Variants in PSMC3IP observed in about 807,000 individuals in gnomAD.
PSMC3IP encodes PSMC3 interacting protein.
Under a neutral mutation model 34.9 loss-of-function variants are expected in PSMC3IP, and 26 were observed. That is an observed-to-expected ratio of 0.74 (90% CI 0.55 to 1.03). The LOEUF is 1.03. PSMC3IP is among the 50% of genes least tolerant of loss of function. The pLI is 0.00. For synonymous variants in PSMC3IP, 87 were observed against 96.5 expected (o/e 0.90, Z 0.57); for missense variants, 250 against 263.1 (o/e 0.95, Z 0.34).
chr17:42,573,883 T>C, intron 4 of PSMC3IP: 1 of 1,531,858 alleles, frequency 6.5e-7, no homozygotes. Context: ...AGTGTACTGA[T>C]AATCGTGGCA....
intron 3 of PSMC3IP, among the ~76,000 whole-genome samples, chr17:42,576,355 C>T (rs117222387): frequency 0.021 from 3,131 of 152,264 alleles, 51 homozygotes; most frequent in Middle Eastern, 0.054. Context: ...AGGTGCATGA[C>T]CAGATCTATT....
At position 42,572,995 on chromosome 17, in the gene PSMC3IP, A is replaced by C. The variant is rs753340066; in HGVS notation, c.627T>G (p.Asp209Glu). 3.7e-6 allele frequency: 6 copies of C among 1,614,072 alleles called. No homozygotes were observed. The highest frequency in any genetic ancestry group is 5.1e-6 in the Non-Finnish European group (6 of 1,180,046). Residue 209 changes from aspartate to glutamate, a missense_variant, in exon 8 of 8, where the codon GAT (aspartate) becomes GAG (glutamate). Asp to Glu is a conservative substitution (Grantham distance 45). Transcript: ENST00000393795. ...FEEVGIETDE[D>E]YNVTLPDP ...AGGGGTCTGGGAGTGTGACGTTGTA[A>C]TCTTCATCCGTCTCTATCCCAACTT...
rs761158006 is a variant in PSMC3IP at position 42,573,183 on chromosome 17, C to T, written c.538-17G>A. The T allele has an allele frequency of 6.2e-7, 1 of 1,614,196 alleles. No homozygotes were observed. Among genetic ancestry groups the T allele is most frequent in the Non-Finnish European group, 8.5e-7 (1 of 1,180,044 alleles). On this transcript the variant is annotated splice_polypyrimidine_tract_variant and intron_variant, in intron 6 of 7. Coordinates refer to ENST00000393795, the MANE Select transcript of PSMC3IP (RefSeq NM_016556.4). ...CTCTGTAGCCTGACAAGAAATAAAA[C>T]CACCCGTTTTCAGATGGGCAGCACT...
In PSMC3IP at chr17:42,572,963, G is replaced by C; in HGVS notation, c.*5C>G. The C allele has an allele frequency of 6.2e-7, 1 of 1,614,038 alleles. No individual in the cohort carries two copies. The highest frequency in any genetic ancestry group is 8.5e-7 in the Non-Finnish European group (1 of 1,179,940). On this transcript the variant is annotated 3_prime_UTR_variant, in exon 8 of 8. Transcript: ENST00000393795. ...CAGTCCCCACCAGTCCTGACCGTGG[G>C]CCCCTCAGGGGTCTGGGAGTGTGAC...
At chr17:42,574,802 A>G (rs564496313) in intron 3 of PSMC3IP, among the ~76,000 whole-genome samples, 10 of 135,640 alleles carry the variant, frequency 7.4e-5, no homozygotes, top group Admixed American at 2.3e-4. Flanking sequence ...CACCCAGGCC[A>G]GAGTGCAGTG....
intron 5 of PSMC3IP, 44 bp downstream of exon 5, chr17:42,573,434 T>C: frequency 6.2e-7 from 1 of 1,614,254 alleles, no homozygotes; most frequent in South Asian, 1.1e-5. Context: ...AGCCCTGATG[T>C]TCACTCTGGA....
chr17:42,573,168 T>TGACA lies in PSMC3IP; in HGVS notation c.538-6_538-3dup, dbSNP rs933756557. On this transcript the variant is annotated splice_polypyrimidine_tract_variant and splice_region_variant and intron_variant, in intron 6 of 7. Coordinates refer to ENST00000393795, the MANE Select transcript of PSMC3IP (RefSeq NM_016556.4). ...TATTGCATCAGACAGCTCTGTAGCC[T>TGACA]GACAAGAAATAAAACCACCCGTTTT... 4.3e-6 allele frequency: 7 copies of TGACA among 1,614,212 alleles called. No homozygotes were observed. Among genetic ancestry groups the TGACA allele is most frequent in the African/African-American group, 1.3e-5 (1 of 75,056 alleles).
At chr17:42,574,422 T>A in intron 3 of PSMC3IP, 1 of 1,292,214 alleles carries the variant, frequency 7.7e-7, no homozygotes, top group Non-Finnish European at 1.0e-6. Context: ...AAAGCTGAAA[T>A]CTAATGCTTG....
rs1311742201 is a variant in PSMC3IP, at chr17:42,573,190, T to C, written c.538-24A>G. 3 of 1,614,102 alleles carry C rather than the reference T, an allele frequency of 1.9e-6. No homozygotes were observed. The East Asian group carries it at 6.7e-5, about 36-fold the overall frequency. On this transcript the variant is annotated intron_variant, in intron 6 of 7. Coordinates refer to ENST00000393795, the MANE Select transcript of PSMC3IP (RefSeq NM_016556.4). ...GCCTGACAAGAAATAAAACCACCCG[T>C]TTTCAGATGGGCAGCACTGGGCACT...
chr17:42,572,722 C>T lies in PSMC3IP; in HGVS notation c.*246G>A, dbSNP rs1328792601. 2 of 618,998 alleles carry T rather than the reference C, an allele frequency of 3.2e-6. No homozygotes were observed. The highest frequency in any genetic ancestry group is 3.0e-5 in the South Asian group (2 of 65,990). The allele number at this position is 618,998 out of a possible 1,614,324, so 38.3% of individuals were successfully genotyped here. ...CCAAATGCTTTCCTTTAGCATTGTTCCAAGTCTAAATGTTAACCTCAAGCT... is the reference window on the plus strand; with the variant it reads ...CCAAATGCTTTCCTTTAGCATTGTTTCAAGTCTAAATGTTAACCTCAAGCT... On this transcript the variant is annotated 3_prime_UTR_variant, in exon 8 of 8. Transcript: ENST00000393795.
At chr17:42,575,007 G>A (rs2093066342) in intron 3 of PSMC3IP, among the ~76,000 whole-genome samples, 1 of 152,228 alleles carries the variant, frequency 6.6e-6, no homozygotes, top group Admixed American at 6.5e-5. Context: ...ATCCGCCTCA[G>A]CCTCCCAAAG....
At position 42,577,700 on chromosome 17, in the gene PSMC3IP, A is replaced by G; in HGVS notation, c.-14T>C. 1.9e-6 allele frequency: 3 copies of G among 1,613,832 alleles called. No homozygotes were observed. The highest frequency in any genetic ancestry group is 1.7e-6 in the Non-Finnish European group (2 of 1,179,868). ...GCCTTTACTCATCGCCTTTCCCGCC[A>G]CCCAACTCAGAAAGCCGGACGTTGT... On this transcript the variant is annotated 5_prime_UTR_variant, in exon 1 of 8. Coordinates refer to ENST00000393795, the MANE Select transcript of PSMC3IP (RefSeq NM_016556.4).
At chr17:42,576,921 A>G in intron 3 of PSMC3IP, 1 of 465,446 alleles carries the variant, frequency 2.1e-6, no homozygotes, top group South Asian at 2.1e-5. Context: ...CAGGAGGAAC[A>G]TCATTTGGCA....
Position 42,577,642 on chromosome 17 carries a change from G to A in PSMC3IP, c.34+11C>T, listed in dbSNP as rs1211545288. Reference sequence around the variant, plus strand: ...CCTCCCGGGTCTTCCCCGCGCCCACGGCGCCGTTACCTCCCGCCGCAGCTT... The same window carrying A: ...CCTCCCGGGTCTTCCCCGCGCCCACAGCGCCGTTACCTCCCGCCGCAGCTT... On this transcript the variant is annotated intron_variant, in intron 1 of 7. Transcript: ENST00000393795. The A allele has an allele frequency of 5.6e-6, 9 of 1,614,134 alleles. No homozygotes were observed. The highest frequency in any genetic ancestry group is 7.6e-6 in the Non-Finnish European group (9 of 1,180,028).
At position 42,572,432 on chromosome 17, in the gene PSMC3IP, G is replaced by A. The variant is rs1273515504; in HGVS notation, c.*536C>T. On this transcript the variant is annotated 3_prime_UTR_variant, in exon 8 of 8. Transcript: ENST00000393795. ...TCAAGCATATCTTGGCCTCTCCCAT[G>A]TCTCAGTGTTGCCTGCATTTCTCCC... The A allele has an allele frequency of 2.2e-6, 1 of 454,478 alleles. No homozygotes were observed. The highest frequency in any genetic ancestry group is 2.0e-5 in the African/African-American group (1 of 49,960). 28.2% of individuals were successfully genotyped at this position (454,478 alleles called of 1,614,324 possible). A position where few individuals can be genotyped will look rare whatever the true frequency, so the allele number is the denominator to read the frequency against.
In PSMC3IP at chr17:42,573,634, A is replaced by G. The variant is rs201639918; in HGVS notation, c.338-11T>C. On this transcript the variant is annotated splice_polypyrimidine_tract_variant and intron_variant, in intron 4 of 7. Transcript: ENST00000393795. ...ATAATTCCTTGAGCTCTGAAACCAC[A>G]TCCGCCTGGGGTCACTTGCTACCCC... The G allele has an allele frequency of 6.2e-7, 1 of 1,614,040 alleles. No individual in the cohort carries two copies. The highest frequency in any genetic ancestry group is 1.7e-5 in the Admixed American group (1 of 60,026).
rs1330389906 is a variant in PSMC3IP, at chr17:42,572,768, A to G, written c.*200T>C. ...AAGCTACTGCAATTTAGACAATGAA[A>G]TGGGCTGGGTCTACCCCCAGCCACC... is the stretch of plus-strand genomic sequence containing the variant. On this transcript the variant is annotated 3_prime_UTR_variant, in exon 8 of 8. Transcript: ENST00000393795. 5 of 698,224 alleles carry G rather than the reference A, an allele frequency of 7.2e-6. No individual in the cohort carries two copies. The highest frequency in any genetic ancestry group is 1.3e-5 in the Non-Finnish European group (5 of 385,468). The allele number at this position is 698,224 out of a possible 1,614,324, so 43.3% of individuals were successfully genotyped here.
At chr17:42,577,784 C>T, upstream of PSMC3IP, 1 of 1,452,736 alleles carries the variant, frequency 6.9e-7, no homozygotes, top group Non-Finnish European at 9.6e-7. Flanking sequence ...CGGTGATTGG[C>T]TGAAGGGGAA....
intron 3 of PSMC3IP, 39 bp downstream of exon 3, chr17:42,577,174 G>A (rs765944944): frequency 4.9e-5 from 79 of 1,613,476 alleles, no homozygotes; most frequent in Non-Finnish European, 6.0e-5. Flanking sequence ...ACCCGTTGTC[G>A]GGCTCTCATG....
Sources: gnomAD v4.1 joint callset for allele counts (sites outside exome capture counted in the v4.1 genomes callset) on GRCh38, gnomAD v4.1.1 for gene constraint, MANE v1.5 for transcripts, NCBI Gene and HGNC (gene_info 2026-07-23, HGNC 2026-07-21) for gene names.